CCDC12: variants seen among roughly 807,000 people sequenced by gnomAD.
CCDC12 encodes the protein coiled-coil domain containing 12.
Under a neutral mutation model 25.7 loss-of-function variants are expected in CCDC12, and 28 were observed. That is an observed-to-expected ratio of 1.09 (90% CI 0.81 to 1.50). The LOEUF (loss-of-function observed/expected upper bound fraction) is 1.50. CCDC12 is among the 40% of genes most tolerant of loss of function. The pLI is 0.00. For synonymous variants in CCDC12, 75 were observed against 87.7 expected, an observed-to-expected ratio of 0.86 and a Z score of 0.81; for missense variants, 198 against 210.0, an observed-to-expected ratio of 0.94 and a Z score of 0.35.
intron 1 of CCDC12, among the ~76,000 whole-genome samples, chr3:46,953,503 T>C (rs550436456): frequency 2.0e-5 from 3 of 152,258 alleles, no homozygotes; most frequent in East Asian, 3.9e-4. Context: ...CAGAGGAACC[T>C]AGCTGACTAT....
intron 1 of CCDC12, among the ~76,000 whole-genome samples, chr3:46,954,926 A>G (rs2034241204): frequency 6.6e-6 from 1 of 152,194 alleles, no homozygotes; most frequent in South Asian, 2.1e-4. Context: ...CCGTCTGAAA[A>G]AAAAAGTTAT....
chr3:46,922,162 G>C, intron 6 of CCDC12, 23 bp from the exon 7 acceptor site: 5 of 1,614,232 alleles, frequency 3.1e-6, no homozygotes, highest in Non-Finnish European at 4.2e-6. Context: ...GCAGACAGAA[G>C]GGGTGGGGAG....
chr3:46,975,047 C>T (rs1043649595), intron 1 of CCDC12, among the ~76,000 whole-genome samples: 2 of 152,162 alleles, frequency 1.3e-5, no homozygotes, highest in South Asian at 2.1e-4. Context: ...CTCTCCATTA[C>T]GTTGGAAAGA....
chr3:46,922,614 C>A, intron 5 of CCDC12: 1 of 464,922 alleles, frequency 2.2e-6, no homozygotes, highest in Non-Finnish European at 3.9e-6. Context: ...CCTCTGGTCA[C>A]CATCAGGGAG....
chr3:46,955,333 G>T (rs1273526344), intron 1 of CCDC12, among the ~76,000 whole-genome samples: 1 of 152,202 alleles, frequency 6.6e-6, no homozygotes, highest in African/African-American at 2.4e-5. Flanking sequence ...ACAAAAAGGT[G>T]ACTAAAGCAA....
chr3:46,959,374 G>A (rs1484686780), intron 1 of CCDC12, among the ~76,000 whole-genome samples: 1 of 152,232 alleles, frequency 6.6e-6, no homozygotes, highest in Non-Finnish European at 1.5e-5. Flanking sequence ...TGACTTAAGG[G>A]TACGCATGTG....
chr3:46,980,800 G>A (rs2035276898), upstream of CCDC12, among the ~76,000 whole-genome samples: 1 of 152,116 alleles, frequency 6.6e-6, no homozygotes. Flanking sequence ...CAGCAGGGAG[G>A]GATCCCAGGG....
intron 1 of CCDC12, among the ~76,000 whole-genome samples, chr3:46,951,796 A>AT (rs1253076967): frequency 3.4e-3 from 68 of 20,214 alleles, no homozygotes; most frequent in African/African-American, 9.4e-3. Flanking sequence ...AAAAAAAAAA[A>AT]AAATATATAT....
At position 46,935,842 on chromosome 3, in the gene CCDC12, G is replaced by T. The variant is rs1323743015; in HGVS notation, c.164+5156C>A. Reference sequence around the variant, plus strand: ...GGGGATAGGACAGGATTTATCCTAGGAGAATAATACAAATTTTAAAAAGGA... The same window carrying T: ...GGGGATAGGACAGGATTTATCCTAGTAGAATAATACAAATTTTAAAAAGGA... On this transcript the variant is annotated intron_variant, in intron 2 of 6. Coordinates refer to ENST00000683445, the MANE Select transcript of CCDC12 (RefSeq NM_001277074.2). Among the ~76,000 whole-genome samples the T allele has an allele frequency of 2.6e-5, 4 of 152,332 alleles. No homozygotes were observed. In the East Asian group the frequency reaches 7.7e-4, roughly 29 times the overall value.
chr3:46,955,837 T>C (rs1297762910), intron 1 of CCDC12, among the ~76,000 whole-genome samples: 1 of 152,248 alleles, frequency 6.6e-6, no homozygotes, highest in Non-Finnish European at 1.5e-5. Context: ...TCTGAGTCTG[T>C]CGGGAGGAAC....
intron 2 of CCDC12, among the ~76,000 whole-genome samples, chr3:46,937,139 AG>A (rs2033478368): frequency 6.6e-6 from 1 of 152,088 alleles, no homozygotes; most frequent in Admixed American, 6.5e-5. Context: ...TGAGATGGTG[AG>A]GGGGTCAGAC....
chr3:46,975,027 ATTC>A (rs1456830022), intron 1 of CCDC12, among the ~76,000 whole-genome samples: 3 of 152,230 alleles, frequency 2.0e-5, no homozygotes, highest in Admixed American at 6.5e-5. Context: ...GAACTTCAGA[ATTC>A]TTCTTCCTCT....
chr3:46,976,257 G>T, intron 1 of CCDC12: 1 of 1,020,310 alleles, frequency 9.8e-7, no homozygotes, highest in Non-Finnish European at 1.2e-6. Flanking sequence ...CAGAATCGAA[G>T]GCGGGGGTTA....
intron 2 of CCDC12, 76 bp downstream of exon 2, chr3:46,940,922 T>G (rs2033674233): frequency 7.1e-7 from 1 of 1,410,450 alleles, no homozygotes; most frequent in African/African-American, 1.4e-5. Flanking sequence ...TGAACAGAGT[T>G]GGGAGGACCC....
chr3:46,925,900 C>T (rs2032937792), intron 2 of CCDC12, among the ~76,000 whole-genome samples: 1 of 152,226 alleles, frequency 6.6e-6, no homozygotes, highest in African/African-American at 2.4e-5. Flanking sequence ...CATAGGATCA[C>T]ACAGCAGTGG....
intron 1 of CCDC12, among the ~76,000 whole-genome samples, chr3:46,972,074 C>A (rs1472514399): frequency 3.9e-5 from 6 of 152,056 alleles, no homozygotes; most frequent in African/African-American, 1.4e-4. Context: ...AAAAAAATCA[C>A]TCAAGAACTA....
intron 1 of CCDC12, among the ~76,000 whole-genome samples, chr3:46,959,701 G>C (rs937435089): frequency 5.3e-5 from 8 of 152,162 alleles, no homozygotes; most frequent in African/African-American, 1.9e-4. Flanking sequence ...GCCAGTGTGG[G>C]GGGACAGGGA....
chr3:46,949,074 G>A (rs1209730464), intron 1 of CCDC12, among the ~76,000 whole-genome samples: 1 of 152,200 alleles, frequency 6.6e-6, no homozygotes, highest in Non-Finnish European at 1.5e-5. Context: ...CAGAAACACA[G>A]GCGAGTGTGA....
intron 1 of CCDC12, among the ~76,000 whole-genome samples, chr3:46,963,708 T>C (rs1208754213): frequency 3.3e-5 from 5 of 152,374 alleles, no homozygotes; most frequent in East Asian, 1.9e-4. Context: ...TCCGCCAGCC[T>C]CGGCCTCCCG....
Sources: gnomAD v4.1 joint callset for allele counts (sites outside exome capture counted in the v4.1 genomes callset) on GRCh38, gnomAD v4.1.1 for gene constraint, MANE v1.5 for transcripts, NCBI Gene and HGNC (gene_info 2026-07-23, HGNC 2026-07-21) for gene names.